The following TBC1D22A variants were observed in gnomAD, a reference collection of about 807,000 sequenced individuals.
TBC1D22A encodes TBC1 domain family member 22A.
A neutral mutation model predicts 60.2 loss-of-function variants in TBC1D22A; 38 were observed. The observed-to-expected ratio is 0.63, with a 90% CI of 0.49 to 0.83. The LOEUF is 0.83. Among genes scored for constraint, TBC1D22A ranks in the 40% least tolerant of loss-of-function variants. TBC1D22A has a pLI of 0.00. For missense variants in TBC1D22A, 628 were observed against 701.0 expected, an observed-to-expected ratio of 0.90 and a Z score of 1.18; for synonymous variants, 302 against 281.7, an observed-to-expected ratio of 1.07 and a Z score of -0.72.
Position 47,064,969 on chromosome 22 carries a change from T to C in TBC1D22A, c.1329+27771T>C, listed in dbSNP as rs573034705. On this transcript the variant is annotated intron_variant, in intron 11 of 12. Transcript: ENST00000337137. ...GTATCAAGGTTTTTAAAAATTTGTT[T>C]ATTATTTATTTTATTTTATTTATTT... is the stretch of plus-strand genomic sequence containing the variant. Among the ~76,000 whole-genome samples, 364 of 152,234 alleles carry C rather than the reference T, an allele frequency of 2.4e-3. 2 individuals carry two copies. The highest frequency in any genetic ancestry group is 0.02 in the South Asian group (96 of 4,824).
rs573346496 is a variant in TBC1D22A at position 46,773,842 on chromosome 22, A to G, written c.62+10994A>G. On this transcript the variant is annotated intron_variant, in intron 1 of 12. Coordinates refer to ENST00000337137, the MANE Select transcript of TBC1D22A (RefSeq NM_014346.5). ...CTGGGGGTGGTACCGTGTGGTCCCTATTTTACAAATGAGGAAACTCAGAAG... is the reference window on the plus strand; with the variant it reads ...CTGGGGGTGGTACCGTGTGGTCCCTGTTTTACAAATGAGGAAACTCAGAAG... The G allele has an allele frequency of 1.6e-4, 128 of 777,646 alleles. 2 individuals carry two copies. In the East Asian group the frequency reaches 0.01, roughly 63 times the overall value. 48.2% of individuals were successfully genotyped at this position (777,646 alleles called of 1,614,324 possible). A position where few individuals can be genotyped will look rare whatever the true frequency, so the allele number is the denominator to read the frequency against.
At chr22:46,878,797 G>T (rs1310042080) in intron 5 of TBC1D22A, 74 bp downstream of exon 5, 2 of 1,430,758 alleles carry the variant, frequency 1.4e-6, no homozygotes, top group Non-Finnish European at 9.8e-7. Flanking sequence ...CCTGAGTAGG[G>T]CCTGACAGCC....
chr22:46,848,945 AC>A (rs1345719361), intron 4 of TBC1D22A, among the ~76,000 whole-genome samples: 2 of 149,570 alleles, frequency 1.3e-5, no homozygotes, highest in Non-Finnish European at 3.0e-5. Flanking sequence ...CCTCATGGGG[AC>A]CCTTAACCAG....
At chr22:46,801,346 A>C (rs187464988) in intron 4 of TBC1D22A, among the ~76,000 whole-genome samples, 3 of 152,242 alleles carry the variant, frequency 2.0e-5, no homozygotes, top group African/African-American at 7.2e-5. Context: ...ATATTTGCCA[A>C]TGTTGGAGAA....
chr22:46,871,466 A>G (rs1017421755), intron 4 of TBC1D22A, among the ~76,000 whole-genome samples: 2 of 152,236 alleles, frequency 1.3e-5, no homozygotes, highest in African/African-American at 4.8e-5. Flanking sequence ...TTGGCCCCAA[A>G]AAGTTATAGT....
rs16995940 is a variant in TBC1D22A, at chr22:46,908,640, A to G, written c.901-3434A>G. 9.1e-3 allele frequency among the ~76,000 whole-genome samples: 1,384 copies of G among 152,322 alleles called. 25 individuals are homozygous for G. Among genetic ancestry groups the G allele is most frequent in the African/African-American group, 0.031 (1,291 of 41,574 alleles). Reference sequence around the variant, plus strand: ...TAATACAAGCGTGCTCTTTTAAAGTACATTACTACCCAGGCTGGTGCGGAG... The same window carrying G: ...TAATACAAGCGTGCTCTTTTAAAGTGCATTACTACCCAGGCTGGTGCGGAG... On this transcript the variant is annotated intron_variant, in intron 7 of 12. Coordinates refer to ENST00000337137, the MANE Select transcript of TBC1D22A (RefSeq NM_014346.5).
At chr22:47,101,776 C>T (rs566227242) in intron 11 of TBC1D22A, among the ~76,000 whole-genome samples, 15 of 152,286 alleles carry the variant, frequency 9.8e-5, no homozygotes, top group South Asian at 2.1e-4. Flanking sequence ...TTGAGGGGAA[C>T]TGGGGGCTTC....
At chr22:46,895,699 A>T (rs2147637282) in intron 7 of TBC1D22A, among the ~76,000 whole-genome samples, 1 of 152,274 alleles carries the variant, frequency 6.6e-6, no homozygotes, top group Admixed American at 6.5e-5. Context: ...AGATTCAGCT[A>T]ATCTGTTGTA....
At chr22:46,858,343 C>A (rs1298509466) in intron 4 of TBC1D22A, among the ~76,000 whole-genome samples, 1 of 152,148 alleles carries the variant, frequency 6.6e-6, no homozygotes, top group Non-Finnish European at 1.5e-5. Context: ...TATTGATATC[C>A]AAGACTCTTG....
intron 12 of TBC1D22A, among the ~76,000 whole-genome samples, chr22:47,150,628 T>C (rs7292231): frequency 0.64 from 97,063 of 152,142 alleles, 31,271 homozygotes; most frequent in East Asian, 0.77. Flanking sequence ...GCTTGCCCAC[T>C]TGTGGGCCAC....
intron 8 of TBC1D22A, among the ~76,000 whole-genome samples, chr22:46,918,049 C>T (rs1417626667): frequency 6.6e-6 from 1 of 150,696 alleles, no homozygotes; most frequent in Non-Finnish European, 1.5e-5. Context: ...CTGCAGTGGA[C>T]ACGAAATGGA....
intron 12 of TBC1D22A, among the ~76,000 whole-genome samples, chr22:47,147,740 G>C (rs1486650838): frequency 6.6e-6 from 1 of 152,256 alleles, no homozygotes; most frequent in East Asian, 1.9e-4. Flanking sequence ...AAGGGTAGGA[G>C]CGGGTCCAGC....
intron 10 of TBC1D22A, among the ~76,000 whole-genome samples, chr22:47,014,200 G>A (rs2148312210): frequency 6.6e-6 from 1 of 152,340 alleles, no homozygotes; most frequent in South Asian, 2.1e-4. Flanking sequence ...GGTGGCCCGG[G>A]CTTTTGCTTT....
chr22:47,049,972 T>G (rs1443110773), intron 11 of TBC1D22A, among the ~76,000 whole-genome samples: 2 of 152,198 alleles, frequency 1.3e-5, no homozygotes, highest in Non-Finnish European at 2.9e-5. Flanking sequence ...GCCCACTGAG[T>G]TGGTTTGCCC....
At chr22:46,879,860 AGCCTCTGCGGGTTGTG>A (rs131872) in intron 5 of TBC1D22A, among the ~76,000 whole-genome samples, 89,834 of 151,814 alleles carry the variant, frequency 0.59, 29,488 homozygotes, top group Middle Eastern at 0.83. Flanking sequence ...TCTAATTCTC[AGCCTCTGCGGGTTGTG>A]GTTCCGCTTC....
chr22:46,894,879 G>T (rs777072069), intron 7 of TBC1D22A, 33 bp downstream of exon 7: 2 of 1,612,756 alleles, frequency 1.2e-6, no homozygotes, highest in South Asian at 1.1e-5. Flanking sequence ...AGTTCCCCTC[G>T]TTGGGAGTGG....
At chr22:46,836,619 G>A (rs575435350) in intron 4 of TBC1D22A, among the ~76,000 whole-genome samples, 3 of 151,980 alleles carry the variant, frequency 2.0e-5, no homozygotes, top group African/African-American at 7.3e-5. Flanking sequence ...CCATAGTTAA[G>A]TCCTTACCAA....
intron 4 of TBC1D22A, among the ~76,000 whole-genome samples, chr22:46,826,851 T>C (rs966892892): frequency 6.6e-6 from 1 of 152,180 alleles, no homozygotes; most frequent in Admixed American, 6.5e-5. Flanking sequence ...GAGTGAAACT[T>C]GTGGACGCTG....
intron 4 of TBC1D22A, among the ~76,000 whole-genome samples, chr22:46,844,307 G>A (rs527643467): frequency 1.3e-5 from 2 of 152,082 alleles, no homozygotes; most frequent in African/African-American, 2.4e-5. Context: ...ATTCCACTGC[G>A]TGCTGCTTCC....
Sources: allele counts gnomAD v4.1 joint callset (sites outside exome capture counted in the v4.1 genomes callset), GRCh38; gene constraint gnomAD v4.1.1; transcripts MANE v1.5; gene names NCBI Gene and HGNC (gene_info 2026-07-23, HGNC 2026-07-21).